PLEKHA7: variants seen among roughly 807,000 people sequenced by gnomAD.
PLEKHA7 encodes pleckstrin homology domain-containing family A member 7.
PLEKHA7 carries 104 observed loss-of-function variants against 170.0 expected under a neutral mutation model. The ratio of observed to expected loss-of-function variants is 0.61; its 90% confidence interval spans 0.52 to 0.72. The LOEUF (loss-of-function observed/expected upper bound fraction) is 0.72, where lower values mean the gene tolerates loss of function less well. Among genes scored for constraint, PLEKHA7 ranks in the 30% least tolerant of loss-of-function variants. PLEKHA7 has a pLI of 0.00. For synonymous variants in PLEKHA7, 648 were observed against 660.8 expected, an observed-to-expected ratio of 0.98 and a Z score of 0.30; for missense variants, 1,615 against 1,671.7, an observed-to-expected ratio of 0.97 and a Z score of 0.59.
intron 3 of PLEKHA7, among the ~76,000 whole-genome samples, chr11:17,012,434 T>A (rs941130723): frequency 1.3e-5 from 2 of 152,168 alleles, no homozygotes; most frequent in Non-Finnish European, 2.9e-5. Flanking sequence ...CAACTCATCA[T>A]CACATGATGT....
Position 16,908,603 on chromosome 11 carries a change from C to A in PLEKHA7, c.222-37421G>T, listed in dbSNP as rs1858030232. ...CTCTGCTTCTGGGGTTCAAGCGATT[C>A]TCCTGCCTCAGCCTCCCAAGTAGCT... On this transcript the variant is annotated intron_variant, in intron 3 of 26. Coordinates refer to ENST00000531066, the MANE Select transcript of PLEKHA7 (RefSeq NM_001329630.2). Among the ~76,000 whole-genome samples, 3 of 151,840 alleles carry A rather than the reference C, an allele frequency of 2.0e-5. No individual in the cohort carries two copies. In the South Asian group the frequency reaches 6.2e-4, roughly 32 times the overall value.
chr11:16,943,993 T>A (rs561908103), intron 3 of PLEKHA7, among the ~76,000 whole-genome samples: 2 of 152,310 alleles, frequency 1.3e-5, no homozygotes, highest in African/African-American at 4.8e-5. Context: ...GGTCTGCATG[T>A]TTAAGACATT....
chr11:16,834,788 T>C (rs1564983875), intron 9 of PLEKHA7, among the ~76,000 whole-genome samples: 1 of 151,592 alleles, frequency 6.6e-6, no homozygotes, highest in East Asian at 1.9e-4. Flanking sequence ...AAAACCAGAG[T>C]CCACAGCATG....
chr11:16,894,080 G>C (rs1047925763), intron 3 of PLEKHA7, among the ~76,000 whole-genome samples: 1 of 152,132 alleles, frequency 6.6e-6, no homozygotes. Context: ...AGAGTCTAGG[G>C]ACTCCAGAGG....
chr11:16,923,441 T>C (rs1460072555), intron 3 of PLEKHA7, among the ~76,000 whole-genome samples: 32 of 152,152 alleles, frequency 2.1e-4, no homozygotes, highest in Admixed American at 2.1e-3. Flanking sequence ...GTGGCACTGA[T>C]TCCCCAACAA....
chr11:16,957,306 G>C (rs935038502), intron 3 of PLEKHA7, among the ~76,000 whole-genome samples: 2 of 152,190 alleles, frequency 1.3e-5, no homozygotes, highest in Admixed American at 1.3e-4. Flanking sequence ...CAAGGAATTG[G>C]TTAGAAAATT....
At chr11:16,812,332 C>T (rs1247684404) in intron 13 of PLEKHA7, 1 of 152,254 alleles carries the variant, frequency 6.6e-6, no homozygotes, top group Non-Finnish European at 1.5e-5. Context: ...AAGCCAGGTA[C>T]ACTGGAGACT....
At position 16,821,618 on chromosome 11, in the gene PLEKHA7, ATATC is replaced by A. The variant is rs562508619; in HGVS notation, c.1344-4300_1344-4297del. Among the ~76,000 whole-genome samples the A allele has an allele frequency of 4.8e-4, 73 of 152,330 alleles. 1 individual carries two copies. Among genetic ancestry groups the A allele is most frequent in the African/African-American group, 1.6e-3 (67 of 41,574 alleles). On this transcript the variant is annotated intron_variant, in intron 10 of 26. Transcript: ENST00000531066. ...AGTCTTGATGATATGCAAAGCAGAG[ATATC>A]TATCTCATATATTTTCAAATGGAAA...
At chr11:16,968,728 C>T (rs1026986135) in intron 3 of PLEKHA7, among the ~76,000 whole-genome samples, 7 of 152,216 alleles carry the variant, frequency 4.6e-5, no homozygotes, top group Admixed American at 2.6e-4. Context: ...TCCCCCACCA[C>T]CAACAGCGCT....
At chr11:16,923,842 G>A (rs144721583) in intron 3 of PLEKHA7, among the ~76,000 whole-genome samples, 37 of 151,946 alleles carry the variant, frequency 2.4e-4, no homozygotes, top group South Asian at 8.3e-4. Flanking sequence ...CTTCCTCATC[G>A]CACTTACTCT....
In PLEKHA7 at chr11:16,826,137, C is replaced by A; in HGVS notation, c.1326G>T (p.Gln442His). The A allele has an allele frequency of 6.2e-7, 1 of 1,614,138 alleles. No individual in the cohort carries two copies. Among genetic ancestry groups the A allele is most frequent in the Non-Finnish European group, 8.5e-7 (1 of 1,179,962 alleles). The change falls in exon 10 of 27, where the codon CAG becomes CAT. Residue 442 changes from glutamine (Q) to histidine (H), a missense_variant. Coordinates refer to ENST00000531066, the MANE Select transcript of PLEKHA7 (RefSeq NM_001329630.2). Reference sequence around the variant, plus strand: ...TTACTCACCTCCTGCTATCCCCTTTCTGGGCCCTTGCCCAGTGCTCCACCT... The same window carrying A: ...TTACTCACCTCCTGCTATCCCCTTTATGGGCCCTTGCCCAGTGCTCCACCT... Reference protein sequence around the residue: ...LAQVEHWARAQKGDSRSLPLD... With the variant: ...LAQVEHWARAHKGDSRSLPLD...
intron 3 of PLEKHA7, among the ~76,000 whole-genome samples, chr11:16,873,314 C>T (rs1316769079): frequency 6.6e-6 from 1 of 152,162 alleles, no homozygotes; most frequent in Non-Finnish European, 1.5e-5. Context: ...CTCTGATGTC[C>T]AGGTGTCTGG....
chr11:17,007,522 A>G lies in PLEKHA7; in HGVS notation c.221+6467T>C, dbSNP rs558490511. Reference sequence around the variant, plus strand: ...TTATTTTTTTTTAAATGACAAGTCAAGGGAAAAACTACAGAAGAACAAAAT... The same window carrying G: ...TTATTTTTTTTTAAATGACAAGTCAGGGGAAAAACTACAGAAGAACAAAAT... On this transcript the variant is annotated intron_variant, in intron 3 of 26. Transcript: ENST00000531066. Among the ~76,000 whole-genome samples the G allele has an allele frequency of 5.3e-5, 8 of 151,848 alleles. No individual in the cohort carries two copies. In the South Asian group the frequency reaches 1.5e-3, roughly 28 times the overall value.
intron 3 of PLEKHA7, among the ~76,000 whole-genome samples, chr11:16,940,990 A>G (rs533996377): frequency 6.4e-4 from 98 of 152,274 alleles, no homozygotes; most frequent in South Asian, 2.1e-3. Context: ...TCTCTGGATA[A>G]ACGATTCAGT....
intron 4 of PLEKHA7, among the ~76,000 whole-genome samples, chr11:16,856,260 C>G (rs1853443361): frequency 2.0e-5 from 3 of 152,210 alleles, no homozygotes; most frequent in South Asian, 4.1e-4. Context: ...AGATGTGCCA[C>G]TCTTCTCAGC....
intron 3 of PLEKHA7, among the ~76,000 whole-genome samples, chr11:16,949,425 T>A (rs985283022): frequency 1.3e-5 from 2 of 152,068 alleles, no homozygotes; most frequent in African/African-American, 4.8e-5. Context: ...GAGGGAGCGG[T>A]GTGACTGAAA....
intron 9 of PLEKHA7, among the ~76,000 whole-genome samples, chr11:16,836,784 T>C (rs1280119931): frequency 6.6e-6 from 1 of 151,712 alleles, no homozygotes; most frequent in African/African-American, 2.4e-5. Flanking sequence ...TATTTTGTTT[T>C]AGTTTCCTGG....
At chr11:16,846,386 G>A (rs1208312474) in intron 8 of PLEKHA7, among the ~76,000 whole-genome samples, 1 of 152,204 alleles carries the variant, frequency 6.6e-6, no homozygotes, top group Non-Finnish European at 1.5e-5. Context: ...ACTCCAAGCA[G>A]CACAGTGAAC....
At chr11:16,886,900 TA>T (rs756930037) in intron 3 of PLEKHA7, among the ~76,000 whole-genome samples, 17 of 152,168 alleles carry the variant, frequency 1.1e-4, no homozygotes, top group South Asian at 2.1e-4. Context: ...TAAGAGGGAT[TA>T]GGGGCGTTAA....
Sources: allele counts gnomAD v4.1 joint callset (sites outside exome capture counted in the v4.1 genomes callset), GRCh38; gene constraint gnomAD v4.1.1; transcripts MANE v1.5; gene names NCBI Gene and HGNC (gene_info 2026-07-23, HGNC 2026-07-21).